SMOC2: variants seen among roughly 807,000 people sequenced by gnomAD.
SMOC2 encodes SPARC-related modular calcium-binding protein 2.
In SMOC2, 39 loss-of-function variants were observed where a neutral mutation model predicts 61.4. That is an observed-to-expected ratio of 0.64 (90% CI 0.49 to 0.83). The LOEUF (loss-of-function observed/expected upper bound fraction) is 0.83, where lower values mean the gene tolerates loss of function less well. Among genes scored for constraint, SMOC2 ranks in the 40% least tolerant of loss-of-function variants. The pLI is 0.00. For missense variants in SMOC2, 556 were observed against 592.9 expected (o/e 0.94, Z 0.65); for synonymous variants, 247 against 239.9 (o/e 1.03, Z -0.27).
chr6:168,575,832 G>C (rs780423533), intron 7 of SMOC2, among the ~76,000 whole-genome samples: 2 of 150,948 alleles, frequency 1.3e-5, no homozygotes, highest in African/African-American at 5.0e-5. Flanking sequence ...GAAGATGACC[G>C]ACTTCCTTGA....
chr6:168,487,984 C>T (rs192561875), intron 1 of SMOC2, among the ~76,000 whole-genome samples: 254 of 152,226 alleles, frequency 1.7e-3, no homozygotes, highest in African/African-American at 5.9e-3. Context: ...ATGGTGATTT[C>T]GAGAGCAATA....
rs780450706 is a variant in SMOC2 at position 168,464,855 on chromosome 6, C to T, written c.84+23401C>T. Reference sequence around the variant, plus strand: ...CCAGGGAGGAACATTGTAAGTCAGACGGCAGGTGCAGAAGTGCCCTGGAAA... The same window carrying T: ...CCAGGGAGGAACATTGTAAGTCAGATGGCAGGTGCAGAAGTGCCCTGGAAA... On this transcript the variant is annotated intron_variant, in intron 1 of 12. Transcript: ENST00000356284. Among the ~76,000 whole-genome samples, 5 of 152,328 alleles carry T rather than the reference C, an allele frequency of 3.3e-5. No homozygotes were observed. In the East Asian group the frequency reaches 5.8e-4, roughly 18 times the overall value.
chr6:168,570,981 C>T (rs1257235969), intron 7 of SMOC2, among the ~76,000 whole-genome samples: 4 of 152,114 alleles, frequency 2.6e-5, no homozygotes, highest in Admixed American at 1.3e-4. Context: ...ACCAATGGAG[C>T]GTAGCTGTCT....
chr6:168,619,942 C>T (rs1786203192), intron 9 of SMOC2, among the ~76,000 whole-genome samples: 1 of 152,206 alleles, frequency 6.6e-6, no homozygotes, highest in African/African-American at 2.4e-5. Context: ...TCACTGTGCT[C>T]CGGCAGGCCG....
chr6:168,562,585 G>A (rs1003924354), intron 7 of SMOC2, among the ~76,000 whole-genome samples: 7 of 152,042 alleles, frequency 4.6e-5, no homozygotes, highest in African/African-American at 7.3e-5. Flanking sequence ...AAATGCAAAC[G>A]TTCACCCAAA....
chr6:168,619,366 G>A (rs371886465), intron 9 of SMOC2, among the ~76,000 whole-genome samples: 3 of 152,150 alleles, frequency 2.0e-5, no homozygotes, highest in African/African-American at 7.2e-5. Flanking sequence ...CAAATTAATA[G>A]TGTAAGCAAT....
At position 168,549,150 on chromosome 6, in the gene SMOC2, C is replaced by T; in HGVS notation, c.584C>T (p.Thr195Ile). ...ATAGATATTGCATCACGTTACCCTA[C>T]CCTTTGGACTGAACAGGTTAAAAGT... ...DEEDIASRYP[T>I]LWTEQVKSRQ... is the part of the protein sequence containing the mutation. The change falls in exon 7 of 13, where the codon ACC (threonine) becomes ATC (isoleucine). Residue 195 changes from threonine (T) to isoleucine (I), a missense_variant. Coordinates refer to ENST00000356284, the MANE Select transcript of SMOC2 (RefSeq NM_001166412.2). 6.2e-7 allele frequency: 1 copy of T among 1,614,098 alleles called. No individual in the cohort carries two copies. The highest frequency in any genetic ancestry group is 2.2e-5 in the East Asian group (1 of 44,882).
intron 2 of SMOC2, among the ~76,000 whole-genome samples, chr6:168,522,689 A>G (rs888584342): frequency 2.0e-5 from 3 of 152,194 alleles, no homozygotes; most frequent in African/African-American, 7.2e-5. Context: ...AGGAAGTCAG[A>G]CACAGAAGTA....
intron 1 of SMOC2, among the ~76,000 whole-genome samples, chr6:168,505,491 A>G (rs1425248540): frequency 6.6e-6 from 1 of 151,634 alleles, no homozygotes; most frequent in African/African-American, 2.4e-5. Context: ...AGTGAATGGA[A>G]TGTCCGTCTC....
chr6:168,461,230 A>G (rs1245231460), intron 1 of SMOC2, among the ~76,000 whole-genome samples: 1 of 152,192 alleles, frequency 6.6e-6, no homozygotes, highest in Non-Finnish European at 1.5e-5. Flanking sequence ...CGTATTCACT[A>G]TCACCAGAAC....
intron 1 of SMOC2, among the ~76,000 whole-genome samples, chr6:168,483,928 A>G (rs1392655988): frequency 6.6e-6 from 1 of 152,210 alleles, no homozygotes; most frequent in Non-Finnish European, 1.5e-5. Flanking sequence ...AACATCAGAT[A>G]CAATAATTAA....
chr6:168,490,181 T>A (rs1782440689), intron 1 of SMOC2, among the ~76,000 whole-genome samples: 1 of 151,422 alleles, frequency 6.6e-6, no homozygotes, highest in Non-Finnish European at 1.5e-5. Context: ...GTGAAATATA[T>A]CAAATTGTCT....
chr6:168,610,815 C>T (rs778440138), intron 9 of SMOC2, among the ~76,000 whole-genome samples: 3 of 152,198 alleles, frequency 2.0e-5, no homozygotes, highest in Non-Finnish European at 2.9e-5. Context: ...TACATAGTGA[C>T]GACTGGGTCA....
At chr6:168,463,020 T>G (rs1305910546) in intron 1 of SMOC2, among the ~76,000 whole-genome samples, 1 of 152,220 alleles carries the variant, frequency 6.6e-6, no homozygotes, top group Non-Finnish European at 1.5e-5. Flanking sequence ...CACATTTGTT[T>G]GAGGACAATC....
intron 9 of SMOC2, among the ~76,000 whole-genome samples, chr6:168,615,555 TTA>T (rs1786059204): frequency 1.1e-4 from 12 of 110,572 alleles, no homozygotes; most frequent in South Asian, 3.3e-4. Flanking sequence ...CAGGGCCTCT[TTA>T]CATCTACAGC....
intron 7 of SMOC2, among the ~76,000 whole-genome samples, chr6:168,576,536 T>TG (rs1277838282): frequency 6.6e-6 from 1 of 152,052 alleles, no homozygotes; most frequent in Non-Finnish European, 1.5e-5. Flanking sequence ...TAGGGAGCCC[T>TG]GGGGGTCCCT....
intron 1 of SMOC2, among the ~76,000 whole-genome samples, chr6:168,463,973 T>G (rs2115005837): frequency 6.6e-6 from 1 of 152,178 alleles, no homozygotes. Context: ...GGTGGATCAC[T>G]TAAGCCCAGG....
chr6:168,626,993 C>T (rs151288401), intron 9 of SMOC2, among the ~76,000 whole-genome samples: 19 of 152,248 alleles, frequency 1.2e-4, no homozygotes, highest in African/African-American at 4.1e-4. Context: ...ATGTGATTCT[C>T]AAGACAAGGA....
intron 12 of SMOC2, among the ~76,000 whole-genome samples, chr6:168,665,742 G>A (rs1458325509): frequency 1.3e-5 from 2 of 152,190 alleles, no homozygotes; most frequent in Non-Finnish European, 2.9e-5. Flanking sequence ...TAGGAGATGG[G>A]TTTGTCTTCT....
Sources: gnomAD v4.1 joint callset for allele counts (sites outside exome capture counted in the v4.1 genomes callset) on GRCh38, gnomAD v4.1.1 for gene constraint, MANE v1.5 for transcripts, NCBI Gene and HGNC (gene_info 2026-07-23, HGNC 2026-07-21) for gene names.